Variants in UGP2 observed in about 807,000 individuals in gnomAD.
UGP2 encodes the protein UTP--glucose-1-phosphate uridylyltransferase.
UGP2 carries 40 observed loss-of-function variants against 49.0 expected under a neutral mutation model. That is an observed-to-expected ratio of 0.82 (90% CI 0.63 to 1.06). UGP2 has a LOEUF of 1.06. Among genes scored for constraint, UGP2 ranks in the 50% least tolerant of loss-of-function variants. The probability of loss-of-function intolerance (pLI) is 0.00; values close to 1 mark genes in which losing one functional copy is unlikely to be tolerated. For missense variants in UGP2, 460 were observed against 603.5 expected, an observed-to-expected ratio of 0.76 and a Z score of 2.49; for synonymous variants, 225 against 213.0, an observed-to-expected ratio of 1.06 and a Z score of -0.49.
chr2:63,887,693 T>C (rs181601832), intron 8 of UGP2, 49 bp downstream of exon 8: 1 of 1,598,910 alleles, frequency 6.3e-7, no homozygotes, highest in East Asian at 2.2e-5. Flanking sequence ...AATGTGTAAT[T>C]ATAAAGATAT....
At chr2:63,891,024 TAA>T (rs368306965) in intron 9 of UGP2, 94 bp from the exon 10 acceptor site, 1,524 of 826,796 alleles carry the variant, frequency 1.8e-3, no homozygotes, top group South Asian at 3.1e-3. Context: ...TACTTCACTG[TAA>T]AAAAAAAAAA....
intron 1 of UGP2, among the ~76,000 whole-genome samples, chr2:63,852,167 T>C (rs1244449204): frequency 6.6e-6 from 1 of 152,192 alleles, no homozygotes; most frequent in East Asian, 1.9e-4. Context: ...GGTGACAGAA[T>C]AGCATTGGAG....
chr2:63,876,998 C>T (rs4616468), intron 3 of UGP2, among the ~76,000 whole-genome samples: 94,581 of 152,164 alleles, frequency 0.62, 30,413 homozygotes, highest in East Asian at 0.84. Flanking sequence ...GTGTTAAAAT[C>T]AATATGAGGC....
At chr2:63,882,341 T>C in intron 3 of UGP2, 125 bp from the exon 4 acceptor site, 4 of 888,124 alleles carry the variant, frequency 4.5e-6, no homozygotes, top group Non-Finnish European at 6.3e-6. Flanking sequence ...TAAAGAAAAG[T>C]TGATTAAAAC....
intron 1 of UGP2, among the ~76,000 whole-genome samples, chr2:63,843,345 T>A (rs1019793736): frequency 4.6e-5 from 7 of 152,346 alleles, no homozygotes; most frequent in Admixed American, 6.5e-5. Flanking sequence ...TTATACCTTA[T>A]ATGTGGTAAG....
intron 3 of UGP2, among the ~76,000 whole-genome samples, chr2:63,877,244 A>G (rs1670968682): frequency 6.6e-6 from 1 of 152,212 alleles, no homozygotes; most frequent in South Asian, 2.1e-4. Flanking sequence ...GGAGCAAGAT[A>G]TTTTCCAACT....
At chr2:63,881,793 C>T (rs1671337554) in intron 3 of UGP2, among the ~76,000 whole-genome samples, 2 of 152,248 alleles carry the variant, frequency 1.3e-5, no homozygotes, top group Admixed American at 6.5e-5. Context: ...CTTTCCCTCC[C>T]TTCCAGGGCA....
At position 63,882,416 on chromosome 2, in the gene UGP2, C is replaced by T. The variant is rs138140553; in HGVS notation, c.256-50C>T. On this transcript the variant is annotated intron_variant, in intron 3 of 9. Transcript: ENST00000337130. ...TAACCCTGGGATTGATATGCTTTAA[C>T]GTCCCTTAAAGCTGTTTAAATTACT... is the stretch of plus-strand genomic sequence containing the variant. 2.8e-4 allele frequency: 380 copies of T among 1,377,796 alleles called. No homozygotes were observed. In the East Asian group the frequency reaches 5.2e-3, roughly 19 times the overall value. The allele number at this position is 1,377,796 out of a possible 1,614,324, so 85.3% of individuals were successfully genotyped here.
intron 8 of UGP2, chr2:63,889,854 A>ACTAT: frequency 6.8e-6 from 3 of 438,420 alleles, no homozygotes; most frequent in Non-Finnish European, 1.2e-5. Context: ...GATCTGCTCA[A>ACTAT]CTATCTTGTA....
chr2:63,841,697 C>G (rs1033029685), upstream of UGP2: 1 of 153,652 alleles, frequency 6.5e-6, no homozygotes, highest in African/African-American at 2.4e-5. Flanking sequence ...GGGCGGGAGC[C>G]GCTGTTAACC....
chr2:63,879,507 T>G (rs1671148635), intron 3 of UGP2, among the ~76,000 whole-genome samples: 1 of 152,238 alleles, frequency 6.6e-6, no homozygotes. Context: ...TATCCCTTGT[T>G]TAAGTTCCTG....
At chr2:63,871,935 G>A (rs1356032802) in intron 3 of UGP2, among the ~76,000 whole-genome samples, 3 of 152,186 alleles carry the variant, frequency 2.0e-5, no homozygotes, top group Admixed American at 6.5e-5. Context: ...TCTGTAAGGG[G>A]CAGATAGTAA....
intron 3 of UGP2, among the ~76,000 whole-genome samples, chr2:63,867,070 G>A (rs953380152): frequency 6.6e-6 from 1 of 152,096 alleles, no homozygotes; most frequent in Admixed American, 6.5e-5. Context: ...TTTATTGTGT[G>A]AATTTTTATA....
chr2:63,846,477 A>G (rs577818953), intron 1 of UGP2, among the ~76,000 whole-genome samples: 31 of 152,274 alleles, frequency 2.0e-4, no homozygotes, highest in African/African-American at 7.0e-4. Flanking sequence ...GCCATTATCT[A>G]TCTAAATTAT....
chr2:63,885,260 A>G (rs1227895518), intron 5 of UGP2, among the ~76,000 whole-genome samples: 1 of 152,132 alleles, frequency 6.6e-6, no homozygotes, highest in African/African-American at 2.4e-5. Context: ...GAACAATCTC[A>G]CAACTACATA....
intron 1 of UGP2, chr2:63,855,715 T>C: frequency 2.4e-6 from 1 of 424,088 alleles, no homozygotes; most frequent in South Asian, 1.7e-5. Flanking sequence ...CTAATTTTTG[T>C]ATTTTTTGTA....
rs377207381 is a variant in UGP2, at chr2:63,886,644, A to T, written c.1071+106A>T. On this transcript the variant is annotated intron_variant, in intron 7 of 9. Coordinates refer to ENST00000337130, the MANE Select transcript of UGP2 (RefSeq NM_006759.4). The stretch of plus-strand genomic sequence containing the variant: ...CTCTGTCCCATCTATTCCATTGGTC[A>T]CTCCCTTTTGCCTTTTCAGACTCTA... 3.8e-6 allele frequency: 5 copies of T among 1,304,312 alleles called. 1 individual carries two copies. The South Asian group carries it at 5.7e-5, about 15-fold the overall frequency. The allele number at this position is 1,304,312 out of a possible 1,614,324, so 80.8% of individuals were successfully genotyped here.
intron 3 of UGP2, chr2:63,859,275 A>G (rs1194303709): frequency 6.6e-6 from 1 of 152,142 alleles, no homozygotes; most frequent in South Asian, 2.1e-4. Flanking sequence ...GATTACAGAC[A>G]TGAACCACTG....
At chr2:63,871,084 T>TA (rs556926245) in intron 3 of UGP2, among the ~76,000 whole-genome samples, 343 of 152,350 alleles carry the variant, frequency 2.3e-3, no homozygotes, top group African/African-American at 7.8e-3. Context: ...TTAATTATTT[T>TA]AAAATGTATC....
Sources: gnomAD v4.1 joint callset for allele counts (sites outside exome capture counted in the v4.1 genomes callset) on GRCh38, gnomAD v4.1.1 for gene constraint, MANE v1.5 for transcripts, NCBI Gene and HGNC (gene_info 2026-07-23, HGNC 2026-07-21) for gene names.